Variants in TRPM3 observed in about 807,000 individuals in gnomAD.
TRPM3 encodes transient receptor potential cation channel subfamily M member 3, also known as long transient receptor potential channel 3.
Under a neutral mutation model 181.2 loss-of-function variants are expected in TRPM3, and 77 were observed. The ratio of observed to expected loss-of-function variants is 0.42; its 90% CI spans 0.35 to 0.51. The LOEUF is 0.51. TRPM3 is among the 20% of genes least tolerant of loss of function. TRPM3 has a pLI of 0.01. For synonymous variants in TRPM3, 745 were observed against 796.4 expected (o/e 0.94, Z 1.09); for missense variants, 1,759 against 2,196.7 (o/e 0.80, Z 3.98).
chr9:71,125,001 C>G (rs1450685583), upstream of TRPM3, among the ~76,000 whole-genome samples: 1 of 152,208 alleles, frequency 6.6e-6, no homozygotes, highest in South Asian at 2.1e-4. Context: ...TTTTCAGGCT[C>G]TAATATATGG....
chr9:71,278,292 G>T (rs1286990146), intron 1 of TRPM3, among the ~76,000 whole-genome samples: 1 of 152,222 alleles, frequency 6.6e-6, no homozygotes, highest in East Asian at 1.9e-4. Context: ...TTCCATGGAA[G>T]AGTGGTCCCC....
At chr9:71,044,871 C>T (rs2059247442) in intron 1 of TRPM3, among the ~76,000 whole-genome samples, 1 of 151,904 alleles carries the variant, frequency 6.6e-6, no homozygotes. Flanking sequence ...CGGGGTTTCA[C>T]CATGTTAGCC....
intron 8 of TRPM3, among the ~76,000 whole-genome samples, chr9:70,752,023 TGTGTGTGTGTGTGTGTGTGTGTGTGTGC>T (rs1406843936): frequency 8.4e-6 from 1 of 118,772 alleles, no homozygotes; most frequent in Non-Finnish European, 1.8e-5. Context: ...TGTGTGTGTG[TGTGTGTGTGTGTGTGTGTGTGTGTGTGC>T]GCGCGCGCGC....
chr9:70,690,079 C>A (rs2068069995), intron 8 of TRPM3, among the ~76,000 whole-genome samples: 1 of 151,996 alleles, frequency 6.6e-6, no homozygotes, highest in South Asian at 2.1e-4. Flanking sequence ...TGTAGTAGAG[C>A]TTTTGAAAAT....
chr9:70,936,981 C>T (rs1288025325), intron 1 of TRPM3, among the ~76,000 whole-genome samples: 1 of 152,128 alleles, frequency 6.6e-6, no homozygotes, highest in African/African-American at 2.4e-5. Flanking sequence ...AAAAACTTTC[C>T]AAAGCAAACT....
chr9:71,254,199 A>T (rs1818186), intron 1 of TRPM3, among the ~76,000 whole-genome samples: 102,413 of 152,032 alleles, frequency 0.67, 34,594 homozygotes, highest in African/African-American at 0.69. Context: ...ATTACAGGCA[A>T]GAGCCACTGC....
intron 1 of TRPM3, among the ~76,000 whole-genome samples, chr9:71,140,173 C>A (rs573655837): frequency 6.6e-6 from 1 of 152,130 alleles, no homozygotes; most frequent in Non-Finnish European, 1.5e-5. Flanking sequence ...GCAAGATAAT[C>A]AAATGCCTTT....
At chr9:70,881,368 G>A (rs1589497245) in intron 1 of TRPM3, among the ~76,000 whole-genome samples, 1 of 152,120 alleles carries the variant, frequency 6.6e-6, no homozygotes, top group East Asian at 1.9e-4. Flanking sequence ...GAATTAATGT[G>A]ACCGCCCTAC....
intron 1 of TRPM3, among the ~76,000 whole-genome samples, chr9:71,428,355 G>A (rs1003121664): frequency 5.4e-5 from 8 of 149,416 alleles, no homozygotes; most frequent in African/African-American, 1.5e-4. Context: ...CTCAGCCTCC[G>A]AAAGTTCTGG....
intron 1 of TRPM3, among the ~76,000 whole-genome samples, chr9:71,189,942 A>G (rs923501985): frequency 6.6e-6 from 1 of 151,910 alleles, no homozygotes; most frequent in Non-Finnish European, 1.5e-5. Context: ...TGCTATTCAT[A>G]TAAAAATTTA....
chr9:71,070,514 C>CT (rs201635963), intron 1 of TRPM3, among the ~76,000 whole-genome samples: 62 of 152,120 alleles, frequency 4.1e-4, no homozygotes, highest in Non-Finnish European at 5.1e-4. Flanking sequence ...ATGTATTTTC[C>CT]TTTTTTAAAA....
chr9:71,295,650 C>G (rs529375144), intron 1 of TRPM3, among the ~76,000 whole-genome samples: 25 of 151,580 alleles, frequency 1.6e-4, no homozygotes, highest in African/African-American at 5.8e-4. Flanking sequence ...CTCAACATAG[C>G]AAGACTGTAT....
intron 8 of TRPM3, chr9:70,760,813 A>G (rs1228193902): frequency 1.3e-5 from 2 of 152,080 alleles, no homozygotes; most frequent in African/African-American, 4.8e-5. Flanking sequence ...CACTTTCTGA[A>G]TAAAAATACT....
At chr9:70,860,538 A>T (rs1263100987) in intron 3 of TRPM3, among the ~76,000 whole-genome samples, 2 of 152,170 alleles carry the variant, frequency 1.3e-5, no homozygotes, top group Non-Finnish European at 2.9e-5. Flanking sequence ...AAGCTAAGTA[A>T]ACTGTCACAA....
At chr9:70,790,369 G>A (rs1291087519) in intron 6 of TRPM3, among the ~76,000 whole-genome samples, 1 of 152,164 alleles carries the variant, frequency 6.6e-6, no homozygotes, top group Non-Finnish European at 1.5e-5. Context: ...TGAAGATCTT[G>A]AACAATTCAA....
chr9:71,357,601 A>T (rs534261022), intron 1 of TRPM3, among the ~76,000 whole-genome samples: 1 of 152,222 alleles, frequency 6.6e-6, no homozygotes, highest in East Asian at 1.9e-4. Context: ...AGGATTTGGG[A>T]ACACTGTCTG....
At chr9:71,258,084 C>T (rs886559968) in intron 1 of TRPM3, among the ~76,000 whole-genome samples, 4 of 152,180 alleles carry the variant, frequency 2.6e-5, no homozygotes, top group Non-Finnish European at 5.9e-5. Flanking sequence ...GGATAAAAGG[C>T]TAAAATCATG....
chr9:71,348,537 A>C (rs1472933141), intron 1 of TRPM3, among the ~76,000 whole-genome samples: 3 of 147,980 alleles, frequency 2.0e-5, no homozygotes, highest in Non-Finnish European at 4.5e-5. Context: ...TTCTGAAAAC[A>C]GTTTATTTAT....
intron 1 of TRPM3, among the ~76,000 whole-genome samples, chr9:71,161,680 A>G (rs1392084440): frequency 6.6e-6 from 1 of 152,194 alleles, no homozygotes; most frequent in Non-Finnish European, 1.5e-5. Context: ...AACAGTGAAT[A>G]GGAGTACCTC....
Sources: allele counts gnomAD v4.1 joint callset (sites outside exome capture counted in the v4.1 genomes callset), GRCh38; gene constraint gnomAD v4.1.1; transcripts MANE v1.5; gene names NCBI Gene and HGNC (gene_info 2026-07-23, HGNC 2026-07-21).